ZC3H12B: variants seen among roughly 807,000 people sequenced by gnomAD.
ZC3H12B encodes the protein probable ribonuclease ZC3H12B.
ZC3H12B carries 7 observed loss-of-function variants against 43.9 expected under a neutral mutation model. That is an observed-to-expected ratio of 0.16 (90% CI 0.09 to 0.30). The LOEUF (loss-of-function observed/expected upper bound fraction) is 0.30. Among genes scored for constraint, ZC3H12B ranks in the 10% least tolerant of loss-of-function variants. The probability of loss-of-function intolerance (pLI) is 1.00; values close to 1 mark genes in which losing one functional copy is unlikely to be tolerated. For missense variants in ZC3H12B, 475 were observed against 670.2 expected, an observed-to-expected ratio of 0.71 and a Z score of 3.22; for synonymous variants, 222 against 241.7, an observed-to-expected ratio of 0.92 and a Z score of 0.76.
chrX:65,289,413 T>C, the ZC3H12B span, among the ~76,000 whole-genome samples: 7 of 109,919 alleles, frequency 6.4e-5, no homozygotes, highest in Non-Finnish European at 1.1e-4. Context: ...TCCTGGATGA[T>C]GAGATTATTC....
the ZC3H12B span, among the ~76,000 whole-genome samples, chrX:65,346,107 T>C: frequency 9.0e-6 from 1 of 111,105 alleles, no homozygotes; most frequent in Non-Finnish European, 1.9e-5. Flanking sequence ...TTTCACAGAA[T>C]AGAAAAAAAT....
the ZC3H12B span, among the ~76,000 whole-genome samples, chrX:65,120,722 G>C: frequency 9.0e-6 from 1 of 111,374 alleles, no homozygotes; most frequent in Non-Finnish European, 1.9e-5. Context: ...TCCCTGTCTT[G>C]TGCCAGTTTT....
chrX:65,225,476 C>G, the ZC3H12B span, among the ~76,000 whole-genome samples: 3 of 112,529 alleles, frequency 2.7e-5, no homozygotes, highest in African/African-American at 9.7e-5. Flanking sequence ...GTCTCTCCTC[C>G]TCCAAAGGAA....
chrX:65,074,707 G>A, the ZC3H12B span, among the ~76,000 whole-genome samples: 1 of 111,029 alleles, frequency 9.0e-6, no homozygotes, highest in South Asian at 3.7e-4. Flanking sequence ...ACCTGTATTC[G>A]AGTTTGTGGC....
chrX:65,467,910 C>T (rs147265573), intron 3 of ZC3H12B, among the ~76,000 whole-genome samples: 58 of 112,251 alleles, frequency 5.2e-4, no homozygotes, highest in African/African-American at 1.8e-3. Flanking sequence ...TATGGGTTGT[C>T]TGCTTATTCT....
chrX:65,126,048 TG>T, the ZC3H12B span, among the ~76,000 whole-genome samples: 1 of 91,513 alleles, frequency 1.1e-5, no homozygotes. Context: ...TTTGTGTGTG[TG>T]TTTTTTTTTT....
chrX:65,455,974 G>A (rs866525187), intron 3 of ZC3H12B, among the ~76,000 whole-genome samples: 2 of 111,795 alleles, frequency 1.8e-5, no homozygotes, highest in South Asian at 7.5e-4. Context: ...GCTACTGAAG[G>A]AAGCATTAAA....
At chrX:65,230,611 CA>C in the ZC3H12B span, among the ~76,000 whole-genome samples, 8,717 of 49,129 alleles carry the variant, frequency 0.18, 407 homozygotes, top group Non-Finnish European at 0.21. Context: ...CCCCCAGCGC[CA>C]AAAAAAAAAA....
At chrX:65,189,290 A>T in the ZC3H12B span, among the ~76,000 whole-genome samples, 2 of 95,573 alleles carry the variant, frequency 2.1e-5, no homozygotes, top group Non-Finnish European at 4.1e-5. Context: ...AGCATGATTT[A>T]TAGTCGTTTG....
chrX:65,411,364 A>G (rs2066900995), intron 3 of ZC3H12B, among the ~76,000 whole-genome samples: 1 of 112,202 alleles, frequency 8.9e-6, no homozygotes, highest in African/African-American at 3.2e-5. Context: ...AATAAGGCAT[A>G]CTATTTGACC....
intron 3 of ZC3H12B, among the ~76,000 whole-genome samples, chrX:65,424,095 C>T (rs185172624): frequency 8.9e-6 from 1 of 111,835 alleles, no homozygotes; most frequent in Admixed American, 9.5e-5. Flanking sequence ...GTTGAACCAA[C>T]CCTGCATCCC....
chrX:65,250,281 G>A, the ZC3H12B span, among the ~76,000 whole-genome samples: 3 of 111,473 alleles, frequency 2.7e-5, no homozygotes, highest in Non-Finnish European at 3.8e-5. Flanking sequence ...CTTTTTTATG[G>A]CTGCATAGTA....
chrX:65,398,380 C>G (rs1308574522), intron 2 of ZC3H12B, among the ~76,000 whole-genome samples: 1 of 112,040 alleles, frequency 8.9e-6, no homozygotes, highest in Non-Finnish European at 1.9e-5. Flanking sequence ...TACTACAGAA[C>G]TATAGTGATA....
At chrX:65,212,751 C>G in the ZC3H12B span, among the ~76,000 whole-genome samples, 1 of 94,052 alleles carries the variant, frequency 1.1e-5, no homozygotes, top group Admixed American at 1.3e-4. Context: ...ATATGTTTCT[C>G]TTAACGTTTT....
At chrX:65,397,614 A>C (rs764603344) in intron 2 of ZC3H12B, among the ~76,000 whole-genome samples, 6 of 111,662 alleles carry the variant, frequency 5.4e-5, no homozygotes, top group Non-Finnish European at 1.1e-4. Context: ...AAAGCTAGGT[A>C]TACAAGAAAC....
At chrX:65,317,419 T>C in the ZC3H12B span, among the ~76,000 whole-genome samples, 3 of 110,580 alleles carry the variant, frequency 2.7e-5, no homozygotes, top group Non-Finnish European at 5.7e-5. Flanking sequence ...AAACAGGTGG[T>C]CTTTGGTTAC....
chrX:65,120,974 C>G, the ZC3H12B span, among the ~76,000 whole-genome samples: 1 of 111,218 alleles, frequency 9.0e-6, no homozygotes, highest in Non-Finnish European at 1.9e-5. Flanking sequence ...ATATGTTGAA[C>G]CAGTCTTTCA....
chrX:65,331,780 T>C, the ZC3H12B span, among the ~76,000 whole-genome samples: 2 of 110,645 alleles, frequency 1.8e-5, no homozygotes, highest in African/African-American at 6.6e-5. Context: ...CAAAACTGAG[T>C]GTTTCTTCCA....
the ZC3H12B span, among the ~76,000 whole-genome samples, chrX:65,347,054 T>A: frequency 1.8e-5 from 2 of 112,034 alleles, no homozygotes; most frequent in African/African-American, 6.5e-5. Context: ...ACAGGAGAGC[T>A]CTGGCTGGCA....
Sources: gnomAD v4.1 joint callset for allele counts (sites outside exome capture counted in the v4.1 genomes callset) on GRCh38, gnomAD v4.1.1 for gene constraint, MANE v1.5 for transcripts, NCBI Gene and HGNC (gene_info 2026-07-23, HGNC 2026-07-21) for gene names.